Variants in PLXNB2 observed in about 807,000 individuals in gnomAD.
PLXNB2 encodes the protein plexin B2.
A neutral mutation model predicts 202.6 loss-of-function variants in PLXNB2; 85 were observed. The ratio of observed to expected loss-of-function variants is 0.42; its 90% CI spans 0.35 to 0.50. PLXNB2 has a LOEUF of 0.50. Among genes scored for constraint, PLXNB2 ranks in the 20% least tolerant of loss-of-function variants. The probability of loss-of-function intolerance (pLI) is 0.02; values close to 1 mark genes in which losing one functional copy is unlikely to be tolerated. For synonymous variants in PLXNB2, 1,239 were observed against 1,137.6 expected, an observed-to-expected ratio of 1.09 and a Z score of -1.79; for missense variants, 2,063 against 2,586.2, an observed-to-expected ratio of 0.80 and a Z score of 4.39.
Position 50,283,354 on chromosome 22 carries a change from C to T in PLXNB2, c.2662G>A (p.Val888Ile). 2 of 1,613,158 alleles carry T rather than the reference C, an allele frequency of 1.2e-6. No individual in the cohort carries two copies. The highest frequency in any genetic ancestry group is 2.2e-5 in the South Asian group (2 of 91,080). Residue 888 changes from valine to isoleucine, a missense_variant, in exon 16 of 37, where the codon GTC becomes ATC. Val to Ile is a conservative substitution (Grantham distance 29, BLOSUM62 3). Transcript: ENST00000359337. ...GTGCTTACTTGGAAGGTGAACTGGA[C>T]ATTGGGAGGCGAACGGCCCAGTTTC... The part of the protein sequence containing the change: ...FGKLGRSPPN[V>I]QFTFQQPKPL...
At chr22:50,303,158 G>A (rs1219211748) in intron 1 of PLXNB2, among the ~76,000 whole-genome samples, 1 of 151,904 alleles carries the variant, frequency 6.6e-6, no homozygotes, top group African/African-American at 2.4e-5. Context: ...TGTCCTCAGA[G>A]CCCCAGAACT....
chr22:50,283,238 G>T, intron 16 of PLXNB2, 52 bp from the exon 17 acceptor site: 1 of 1,599,404 alleles, frequency 6.3e-7, no homozygotes. Flanking sequence ...GGACGCCCTC[G>T]GTCCTGGGCT....
Position 50,284,301 on chromosome 22 carries a change from C to T in PLXNB2, c.2182-88G>A. ...CACAAGGGCAGCCTCCCTGTGGCCA[C>T]CGGGTCCCTTCCCAGCCAAGGGCAG... On this transcript the variant is annotated intron_variant, in intron 12 of 36. Coordinates refer to ENST00000359337, the MANE Select transcript of PLXNB2 (RefSeq NM_012401.4). This position sits in a 1 kb window ranked among gnomAD's most constrained non-coding sequence, Gnocchi z 8.0. The T allele has an allele frequency of 7.9e-7, 1 of 1,271,800 alleles. No individual in the cohort carries two copies. The highest frequency in any genetic ancestry group is 1.1e-6 in the Non-Finnish European group (1 of 877,282). The allele number at this position is 1,271,800 out of a possible 1,614,324, so 78.8% of individuals were successfully genotyped here.
chr22:50,303,632 C>T (rs1416398135), intron 1 of PLXNB2, among the ~76,000 whole-genome samples: 5 of 152,266 alleles, frequency 3.3e-5, no homozygotes, highest in African/African-American at 1.2e-4. Flanking sequence ...CTTGCGCTTG[C>T]TGCGGGACTC....
chr22:50,303,943 G>GC (rs1442066423), intron 1 of PLXNB2, among the ~76,000 whole-genome samples: 1 of 152,212 alleles, frequency 6.6e-6, no homozygotes, highest in Non-Finnish European at 1.5e-5. Flanking sequence ...AGCTGGACCT[G>GC]CCCCCAGGCG....
intron 7 of PLXNB2, 24 bp downstream of exon 7, chr22:50,287,643 C>T (rs767643372): frequency 2.0e-6 from 3 of 1,530,360 alleles, no homozygotes; most frequent in Non-Finnish European, 2.6e-6. Flanking sequence ...GGCCCAGGAC[C>T]CCCACCCCAG....
Position 50,294,721 on chromosome 22 carries a change from C to T in PLXNB2, c.-16G>A, listed in dbSNP as rs973665105. ...CCTTTCCCAGGTGGGGTACAGACCCCTCACCGAGGCTCCAGTGGTCCAGCT... is the reference window on the plus strand; with the variant it reads ...CCTTTCCCAGGTGGGGTACAGACCCTTCACCGAGGCTCCAGTGGTCCAGCT... On this transcript the variant is annotated splice_region_variant and 5_prime_UTR_variant, in exon 2 of 37. Coordinates refer to ENST00000359337, the MANE Select transcript of PLXNB2 (RefSeq NM_012401.4). 5 of 985,262 alleles carry T rather than the reference C, an allele frequency of 5.1e-6. No homozygotes were observed. The African/African-American group carries it at 7.0e-5, about 14-fold the overall frequency. The allele number at this position is 985,262 out of a possible 1,614,324, so 61.0% of individuals were successfully genotyped here. A position where few individuals can be genotyped will look rare whatever the true frequency, so the allele number is the denominator to read the frequency against.
At chr22:50,276,213 G>A (rs2065552174) in intron 35 of PLXNB2, among the ~76,000 whole-genome samples, 1 of 152,204 alleles carries the variant, frequency 6.6e-6, no homozygotes, top group African/African-American at 2.4e-5. Context: ...ACAGGGACGG[G>A]TGCTGTGAGC....
chr22:50,281,515 G>T lies in PLXNB2; in HGVS notation c.3523-16C>A. The T allele has an allele frequency of 6.2e-7, 1 of 1,609,344 alleles. No individual in the cohort carries two copies. On this transcript the variant is annotated splice_polypyrimidine_tract_variant and intron_variant, in intron 21 of 36. Transcript: ENST00000359337. ...CGAACTTCACCTGTGTGGGGGGCCGGGTTCAGCGCGGTCCCGTGGGGGCAC... is the reference window on the plus strand; with the variant it reads ...CGAACTTCACCTGTGTGGGGGGCCGTGTTCAGCGCGGTCCCGTGGGGGCAC...
rs201989267 is a variant in PLXNB2, at chr22:50,286,283, G to A, written c.1767C>T (p.His589=). Reference sequence around the variant, plus strand: ...GGAGGAGCTGGATGGTCACGGCCACGTGGTCTGCAGACAGCAGAGGGGGAG... The same window carrying A: ...GGAGGAGCTGGATGGTCACGGCCACATGGTCTGCAGACAGCAGAGGGGGAG... ...SIPVTPPGQD[H]VAVTIQLLLR... The change falls in exon 9 of 37, where the codon CAC becomes CAT. Residue 589 remains histidine, a synonymous_variant. Coordinates refer to ENST00000359337, the MANE Select transcript of PLXNB2 (RefSeq NM_012401.4). 1.6e-5 allele frequency: 26 copies of A among 1,610,502 alleles called. No individual in the cohort carries two copies. The highest frequency in any genetic ancestry group is 2.2e-5 in the South Asian group (2 of 91,038).
Position 50,289,656 on chromosome 22 carries a change from C to G in PLXNB2, c.929G>C (p.Gly310Ala). ...DSRSSGGPGAGLCLFPLDKVH... is the reference protein window; with the variant it reads ...DSRSSGGPGAALCLFPLDKVH... ...CTTGTCCAGCGGGAACAGGCAGAGGCCCGCACCGGGCCCCCCACTGCTCCG... is the reference window on the plus strand; with the variant it reads ...CTTGTCCAGCGGGAACAGGCAGAGGGCCGCACCGGGCCCCCCACTGCTCCG... The change falls in exon 3 of 37, where the codon GGC becomes GCC. Residue 310 changes from glycine (G) to alanine (A), a missense_variant. This residue lies in a region of PLXNB2 where 1,303 missense variants were observed against 1,476.8 expected (regional missense o/e 0.88). Transcript: ENST00000359337. This position sits in a 1 kb window ranked among gnomAD's most constrained non-coding sequence, Gnocchi z 8.0. The G allele has an allele frequency of 6.2e-7, 1 of 1,609,608 alleles. No homozygotes were observed. The highest frequency in any genetic ancestry group is 1.1e-5 in the South Asian group (1 of 91,080).
intron 1 of PLXNB2, among the ~76,000 whole-genome samples, chr22:50,300,543 T>TGGGGCGGGGCGGGGC (rs534132950): frequency 1.3e-5 from 2 of 152,000 alleles, no homozygotes; most frequent in African/African-American, 4.8e-5. Flanking sequence ...ACCTAGGAGC[T>TGGGGCGGGGCGGGGC]GGGGCGGGGC....
In PLXNB2 at chr22:50,281,562, G is replaced by T; in HGVS notation, c.3522+4C>A. 6.2e-7 allele frequency: 1 copy of T among 1,610,428 alleles called. No homozygotes were observed. The highest frequency in any genetic ancestry group is 8.5e-7 in the Non-Finnish European group (1 of 1,178,558). The stretch of plus-strand genomic sequence containing the variant: ...GCACCCCCCGCCAGTCCCCGCTCAC[G>T]CACAATGAACTCGGGCAGGTTGTGT... On this transcript the variant is annotated splice_donor_region_variant and intron_variant, in intron 21 of 36. Transcript: ENST00000359337.
chr22:50,299,481 A>C (rs1439702647), intron 1 of PLXNB2, among the ~76,000 whole-genome samples: 1 of 152,226 alleles, frequency 6.6e-6, no homozygotes, highest in Non-Finnish European at 1.5e-5. Context: ...GGCCGGGCCA[A>C]AGCTAGCGAC....
In PLXNB2 at chr22:50,289,963, C is replaced by T; in HGVS notation, c.622G>A (p.Ala208Thr). The T allele has an allele frequency of 6.2e-7, 1 of 1,613,346 alleles. No individual in the cohort carries two copies. The highest frequency in any genetic ancestry group is 8.5e-7 in the Non-Finnish European group (1 of 1,180,030). The change falls in exon 3 of 37, where the codon GCC (alanine) becomes ACC (threonine). Residue 208 changes from alanine (A) to threonine (T), a missense_variant. This residue lies in a region of PLXNB2 where 1,303 missense variants were observed against 1,476.8 expected (regional missense o/e 0.88). Transcript: ENST00000359337. The surrounding 1 kb of genome is among the most constrained non-coding windows in gnomAD (Gnocchi z 8.0). ...EAYTDHATYK[A>T]GYLSTNTQQF... is the part of the protein sequence containing the mutation. ...TGTGTGTTGGTGGACAGGTAGCCGG[C>T]CTTGTAGGTGGCGTGGTCCGTGTAG... is the stretch of plus-strand genomic sequence containing the variant.
chr22:50,290,279 G>A lies in PLXNB2; in HGVS notation c.306C>T (p.Leu102=), dbSNP rs745830477. 67 of 1,611,626 alleles carry A rather than the reference G, an allele frequency of 4.2e-5. No individual in the cohort carries two copies. In the East Asian group the frequency reaches 8.0e-4, roughly 19 times the overall value. The change falls in exon 3 of 37, where the codon CTC becomes CTT. Residue 102 remains leucine (L), a synonymous_variant. Transcript: ENST00000359337. ...CCACCAGGCGCTTCCTGGGAGGGTC[G>A]AGCAGCAGCAGCTGGTTGACATTGT... ...MTDNVNQLLL[L]DPPRKRLVEC... is the part of the protein sequence containing the mutation.
intron 1 of PLXNB2, among the ~76,000 whole-genome samples, chr22:50,302,182 T>C (rs2067726748): frequency 6.6e-6 from 1 of 152,120 alleles, no homozygotes; most frequent in Non-Finnish European, 1.5e-5. Context: ...AGCTGGGGGC[T>C]GGTGAGGCAC....
chr22:50,289,960 C>T lies in PLXNB2; in HGVS notation c.625G>A (p.Gly209Ser), dbSNP rs751009983. The change falls in exon 3 of 37, where the codon GGC becomes AGC. Residue 209 changes from glycine to serine, a missense_variant. Physicochemically the swap from Gly to Ser is moderately conservative, Grantham distance 56 (BLOSUM62 0). Around this residue, in one of 2 missense-constraint regions of PLXNB2, gnomAD observed 1,303 missense variants for 1,476.8 expected, o/e 0.88. Coordinates refer to ENST00000359337, the MANE Select transcript of PLXNB2 (RefSeq NM_012401.4). The surrounding 1 kb of genome is among the most constrained non-coding windows in gnomAD (Gnocchi z 8.0). ...TGCTGTGTGTTGGTGGACAGGTAGC[C>T]GGCCTTGTAGGTGGCGTGGTCCGTG... The part of the protein sequence containing the change: ...AYTDHATYKA[G>S]YLSTNTQQFV... The T allele has an allele frequency of 2.5e-6, 4 of 1,613,350 alleles. No individual in the cohort carries two copies. Among genetic ancestry groups the T allele is most frequent in the East Asian group, 4.5e-5 (2 of 44,894 alleles).
chr22:50,278,088 G>T, intron 31 of PLXNB2, 29 bp downstream of exon 31: 5 of 1,602,524 alleles, frequency 3.1e-6, no homozygotes, highest in Non-Finnish European at 4.2e-6. Context: ...TGGCGGCCTG[G>T]TGCCGCCCAC....
Sources: gnomAD v4.1 joint callset for allele counts (sites outside exome capture counted in the v4.1 genomes callset) on GRCh38, gnomAD v4.1.1 for gene constraint, gnomAD v4.1.1 regional missense constraint, Gnocchi (gnomAD v3.1) non-coding constraint, MANE v1.5 for transcripts, NCBI Gene and HGNC (gene_info 2026-07-23, HGNC 2026-07-21) for gene names.